Variants in ST3GAL5 observed in about 807,000 individuals in gnomAD.
ST3GAL5 encodes the protein ST3 beta-galactoside alpha-2,3-sialyltransferase 5.
Under a neutral mutation model 46.1 loss-of-function variants are expected in ST3GAL5, and 25 were observed. The ratio of observed to expected loss-of-function variants is 0.54; its 90% confidence interval spans 0.40 to 0.76. ST3GAL5 has a LOEUF of 0.76. ST3GAL5 is among the 30% of genes least tolerant of loss of function. ST3GAL5 has a pLI of 0.00. For synonymous variants in ST3GAL5, 182 were observed against 192.7 expected (o/e 0.94, Z 0.46); for missense variants, 431 against 521.2 (o/e 0.83, Z 1.69).
chr2:85,868,002 A>G, intron 1 of ST3GAL5: 2 of 274,352 alleles, frequency 7.3e-6, no homozygotes, highest in South Asian at 8.3e-5. Context: ...ACTTCTTCTG[A>G]TTTGCAAGGG....
intron 1 of ST3GAL5, among the ~76,000 whole-genome samples, chr2:85,882,358 A>G (rs913049209): frequency 2.6e-5 from 4 of 152,190 alleles, no homozygotes; most frequent in Non-Finnish European, 5.9e-5. Flanking sequence ...ATCCACTGAC[A>G]GCTTGTACCG....
At position 85,847,826 on chromosome 2, in the gene ST3GAL5, A is replaced by G. The variant is rs201544104; in HGVS notation, c.662+35T>C. On this transcript the variant is annotated intron_variant, in intron 4 of 6. Transcript: ENST00000638572. ...ATAAAATAAAATAAAAACAATAAAA[A>G]TAAGTAAACAAACAAACAAAAAAAA... 1.3e-4 allele frequency: 207 copies of G among 1,609,736 alleles called. No homozygotes were observed. In the Admixed American group the frequency reaches 3.4e-3, roughly 27 times the overall value.
At chr2:85,849,096 A>G (rs1456580621) in intron 3 of ST3GAL5, 3 of 152,380 alleles carry the variant, frequency 2.0e-5, no homozygotes, top group Non-Finnish European at 4.4e-5. Flanking sequence ...CTCAGAGGAA[A>G]GGCGGGCATG....
At chr2:85,851,459 C>T in intron 3 of ST3GAL5, 10 of 1,248,480 alleles carry the variant, frequency 8.0e-6, no homozygotes, top group Non-Finnish European at 1.0e-5. Context: ...AGAACTCCAT[C>T]TCATAGCCAC....
Position 85,884,328 on chromosome 2 carries a change from A to T in ST3GAL5, c.82+4496T>A, listed in dbSNP as rs193092510. 1.1e-3 allele frequency among the ~76,000 whole-genome samples: 168 copies of T among 152,350 alleles called. 1 individual carries two copies. The highest frequency in any genetic ancestry group is 3.8e-3 in the African/African-American group (156 of 41,574). ...GGCAGGGAGTGAATTTACTGTGAAA[A>T]GCAGAATATAAAGCAGCTCATTAAT... On this transcript the variant is annotated intron_variant, in intron 1 of 6. Transcript: ENST00000638572.
intron 6 of ST3GAL5, 74 bp downstream of exon 6, chr2:85,844,322 T>C: frequency 3.7e-6 from 6 of 1,603,508 alleles, no homozygotes; most frequent in Non-Finnish European, 5.1e-6. Context: ...GGGTATACAG[T>C]TGAGCCAAAG....
In ST3GAL5 at chr2:85,888,976, C is replaced by A. The variant is rs563982857; in HGVS notation, c.-71G>T. 5.1e-6 allele frequency: 6 copies of A among 1,180,076 alleles called. No homozygotes were observed. Among genetic ancestry groups the A allele is most frequent in the Non-Finnish European group, 6.4e-6 (6 of 939,098 alleles). 73.1% of individuals were successfully genotyped at this position (1,180,076 alleles called of 1,614,324 possible). On this transcript the variant is annotated 5_prime_UTR_variant, in exon 1 of 7. Transcript: ENST00000638572. ...CCCCACCCGCCCCCAGCGCCGCTCT[C>A]GCGCCCATTCAGCTGGGGGCCGCCG...
chr2:85,856,031 C>A (rs1684065398), intron 3 of ST3GAL5: 1 of 152,202 alleles, frequency 6.6e-6, no homozygotes, highest in African/African-American at 2.4e-5. Flanking sequence ...TGGAAAACAG[C>A]TTGGCAGTTC....
In ST3GAL5 at chr2:85,861,247, C is replaced by T; in HGVS notation, c.252G>A (p.Lys84=). Reference sequence around the variant, plus strand: ...CACATTCTTCAGTAGTATAATTTAACTTGAGGATATAAAGGATCCACACTC... The same window carrying T: ...CACATTCTTCAGTAGTATAATTTAATTTGAGGATATAAAGGATCCACACTC... ...VFGVWILYIL[K]LNYTTEECDM... Residue 84 remains lysine, a synonymous_variant, in exon 3 of 7, where the codon AAG becomes AAA. Coordinates refer to ENST00000638572, the MANE Select transcript of ST3GAL5 (RefSeq NM_003896.4). 5 of 1,613,484 alleles carry T rather than the reference C, an allele frequency of 3.1e-6. No individual in the cohort carries two copies. The highest frequency in any genetic ancestry group is 3.4e-6 in the Non-Finnish European group (4 of 1,179,756).
In ST3GAL5 at chr2:85,848,110, C is replaced by G; in HGVS notation, c.413G>C (p.Ser138Thr). The G allele has an allele frequency of 6.2e-7, 1 of 1,614,210 alleles. No homozygotes were observed. Among genetic ancestry groups the G allele is most frequent in the South Asian group, 1.1e-5 (1 of 91,080 alleles). ...SMALLFEHRY[S>T]VDLLPFVQKA... ...CTGCACAAAAGGGAGTAAGTCCACG[C>G]TATACCTGTGCTCAAATAACAGCGC... is the stretch of plus-strand genomic sequence containing the variant. The change falls in exon 4 of 7, where the codon AGC becomes ACC. Residue 138 changes from serine to threonine, a missense_variant. By Grantham distance (58) the Ser-to-Thr change is moderately conservative. Coordinates refer to ENST00000638572, the MANE Select transcript of ST3GAL5 (RefSeq NM_003896.4).
chr2:85,846,266 A>C (rs1242373885), intron 5 of ST3GAL5, 111 bp downstream of exon 5: 6 of 962,048 alleles, frequency 6.2e-6, no homozygotes, highest in African/African-American at 1.6e-5. Flanking sequence ...AAGACAACAC[A>C]TAAGTATGCA....
intron 1 of ST3GAL5, chr2:85,870,195 C>A (rs971828574): frequency 6.4e-6 from 3 of 470,806 alleles, no homozygotes; most frequent in South Asian, 4.6e-5. Context: ...TTGTCTCCCC[C>A]ACTAGAATGC....
At chr2:85,851,420 A>T in intron 3 of ST3GAL5, 1 of 1,202,122 alleles carries the variant, frequency 8.3e-7, no homozygotes, top group Non-Finnish European at 1.1e-6. Flanking sequence ...TTGCCTGGAG[A>T]CAGGGCTTTT....
At chr2:85,860,201 G>A (rs891231410) in intron 3 of ST3GAL5, among the ~76,000 whole-genome samples, 1 of 152,152 alleles carries the variant, frequency 6.6e-6, no homozygotes. Context: ...CCTGGCACAC[G>A]GGAGCACTAA....
chr2:85,863,532 G>A, intron 1 of ST3GAL5, 47 bp from the exon 2 acceptor site: 1 of 1,605,048 alleles, frequency 6.2e-7, no homozygotes, highest in South Asian at 1.1e-5. Flanking sequence ...AGAGGAGAGA[G>A]TTAGGAGGAT....
chr2:85,847,662 G>A (rs1682965130), intron 4 of ST3GAL5, 199 bp downstream of exon 4: 2 of 1,322,004 alleles, frequency 1.5e-6, no homozygotes, highest in African/African-American at 1.5e-5. Flanking sequence ...GCCACGCGTG[G>A]TGTGTGCCTG....
intron 1 of ST3GAL5, among the ~76,000 whole-genome samples, chr2:85,869,649 C>T (rs1012325112): frequency 6.6e-6 from 1 of 152,236 alleles, no homozygotes; most frequent in African/African-American, 2.4e-5. Flanking sequence ...AAGGACCACA[C>T]GTTTGCTGAA....
chr2:85,877,028 T>A (rs910719714), intron 1 of ST3GAL5, among the ~76,000 whole-genome samples: 7 of 152,220 alleles, frequency 4.6e-5, no homozygotes, highest in African/African-American at 1.7e-4. Flanking sequence ...TTGTTACCAT[T>A]TTACCACATT....
At chr2:85,848,494 A>T in intron 3 of ST3GAL5, 1 of 1,082,396 alleles carries the variant, frequency 9.2e-7, no homozygotes, top group Non-Finnish European at 1.3e-6. Flanking sequence ...GTTCAAATAC[A>T]TTTGGGGTGA....
Sources: gnomAD v4.1 joint callset for allele counts (sites outside exome capture counted in the v4.1 genomes callset) on GRCh38, gnomAD v4.1.1 for gene constraint, MANE v1.5 for transcripts, NCBI Gene and HGNC (gene_info 2026-07-23, HGNC 2026-07-21) for gene names.